Variants in RNF150 observed in about 807,000 individuals in gnomAD.
The protein encoded by RNF150 is ring finger protein 150.
Under a neutral mutation model 39.3 loss-of-function variants are expected in RNF150, and 24 were observed. The observed-to-expected ratio is 0.61, with a 90% CI of 0.44 to 0.86. The LOEUF (loss-of-function observed/expected upper bound fraction) is 0.86, where lower values mean the gene tolerates loss of function less well. RNF150 is among the 40% of genes least tolerant of loss of function. The pLI is 0.00. For synonymous variants in RNF150, 255 were observed against 227.3 expected (o/e 1.12, Z -1.10); for missense variants, 502 against 587.8 (o/e 0.85, Z 1.51).
intron 4 of RNF150, among the ~76,000 whole-genome samples, chr4:140,945,714 A>AAAGT (rs1393375527): frequency 6.6e-6 from 1 of 151,198 alleles, no homozygotes; most frequent in Non-Finnish European, 1.5e-5. Flanking sequence ...TTGTAGAGCT[A>AAAGT]AAGTAATGCT....
At chr4:140,943,730 C>T (rs1732178210) in intron 4 of RNF150, among the ~76,000 whole-genome samples, 1 of 152,148 alleles carries the variant, frequency 6.6e-6, no homozygotes, top group Admixed American at 6.5e-5. Flanking sequence ...CACACAGTTG[C>T]TACAAAATGT....
At chr4:141,105,927 GCCTC>G (rs1739181470) in intron 1 of RNF150, among the ~76,000 whole-genome samples, 1 of 152,010 alleles carries the variant, frequency 6.6e-6, no homozygotes, top group South Asian at 2.1e-4. Context: ...AACCTTTAAT[GCCTC>G]CCTATTACCC....
At chr4:141,204,054 T>C (rs537169005) in intron 1 of RNF150, among the ~76,000 whole-genome samples, 1 of 152,196 alleles carries the variant, frequency 6.6e-6, no homozygotes, top group African/African-American at 2.4e-5. Flanking sequence ...GGATAAAGAC[T>C]GGGGTGTTGG....
At chr4:141,137,810 T>C (rs1174750562), upstream of RNF150, among the ~76,000 whole-genome samples, 1 of 152,152 alleles carries the variant, frequency 6.6e-6, no homozygotes, top group Non-Finnish European at 1.5e-5. Context: ...CTCCCTAAAA[T>C]AGTTTTTAAA....
chr4:141,072,744 T>C (rs980874101), intron 1 of RNF150, among the ~76,000 whole-genome samples: 9 of 152,300 alleles, frequency 5.9e-5, no homozygotes, highest in Non-Finnish European at 1.2e-4. Context: ...TAATTTCAGT[T>C]CTCAGTCTTA....
At chr4:140,980,434 T>C (rs552516398) in intron 1 of RNF150, among the ~76,000 whole-genome samples, 26 of 152,138 alleles carry the variant, frequency 1.7e-4, no homozygotes, top group Non-Finnish European at 3.4e-4. Context: ...AACTTCTAGA[T>C]ATTTATGATA....
At chr4:141,088,288 C>T (rs890923852) in intron 1 of RNF150, among the ~76,000 whole-genome samples, 2 of 152,120 alleles carry the variant, frequency 1.3e-5, no homozygotes, top group African/African-American at 4.8e-5. Flanking sequence ...GCGATCCAGT[C>T]TCCTGATTTC....
At chr4:140,985,230 C>G (rs943754807) in intron 1 of RNF150, among the ~76,000 whole-genome samples, 3 of 152,096 alleles carry the variant, frequency 2.0e-5, no homozygotes, top group African/African-American at 7.2e-5. Context: ...AATTTTGCCC[C>G]TCCCATTTTT....
intron 3 of RNF150, among the ~76,000 whole-genome samples, chr4:140,948,513 C>G (rs1022075924): frequency 6.6e-6 from 1 of 152,166 alleles, no homozygotes; most frequent in African/African-American, 2.4e-5. Context: ...TTTGTTTTCC[C>G]TCCTCAAGAC....
intron 1 of RNF150, among the ~76,000 whole-genome samples, chr4:141,015,201 G>A (rs369748855): frequency 6.6e-6 from 1 of 152,040 alleles, no homozygotes; most frequent in African/African-American, 2.4e-5. Flanking sequence ...TGCTAGTATC[G>A]TGCAGTTTGA....
chr4:141,016,532 C>T (rs1457032552), intron 1 of RNF150, among the ~76,000 whole-genome samples: 1 of 152,252 alleles, frequency 6.6e-6, no homozygotes, highest in African/African-American at 2.4e-5. Flanking sequence ...CGGGAGCAGT[C>T]ACAGAGATGT....
chr4:141,196,712 C>A (rs999068595), intron 1 of RNF150, among the ~76,000 whole-genome samples: 2 of 152,196 alleles, frequency 1.3e-5, no homozygotes, highest in African/African-American at 4.8e-5. Flanking sequence ...TGGTGAATTG[C>A]AGTTGTAGTT....
At chr4:141,130,278 T>C (rs1251326931) in intron 1 of RNF150, among the ~76,000 whole-genome samples, 12 of 152,236 alleles carry the variant, frequency 7.9e-5, no homozygotes, top group Admixed American at 7.9e-4. Context: ...AAATCAATGC[T>C]AGCCTCTGAC....
chr4:140,962,278 T>C (rs1733069460), intron 2 of RNF150, among the ~76,000 whole-genome samples: 1 of 151,862 alleles, frequency 6.6e-6, no homozygotes, highest in African/African-American at 2.4e-5. Flanking sequence ...TATTTAAATT[T>C]AAGTTAATTT....
intron 1 of RNF150, among the ~76,000 whole-genome samples, chr4:141,050,589 T>A (rs1018651732): frequency 1.3e-5 from 2 of 152,166 alleles, no homozygotes; most frequent in African/African-American, 4.8e-5. Flanking sequence ...ACAGACCCCA[T>A]GCAAGTCTGA....
chr4:141,200,927 C>G (rs1046490864), intron 1 of RNF150, among the ~76,000 whole-genome samples: 1 of 152,044 alleles, frequency 6.6e-6, no homozygotes, highest in Non-Finnish European at 1.5e-5. Context: ...CCCAATAAAT[C>G]AGATCTATTT....
chr4:140,878,066 A>G (rs1042071973), intron 6 of RNF150, among the ~76,000 whole-genome samples: 10 of 151,818 alleles, frequency 6.6e-5, no homozygotes, highest in African/African-American at 2.2e-4. Flanking sequence ...GATTCTCTAT[A>G]TCCCCATCAA....
intron 1 of RNF150, among the ~76,000 whole-genome samples, chr4:141,150,277 T>A (rs1333235108): frequency 6.6e-6 from 1 of 152,202 alleles, no homozygotes; most frequent in African/African-American, 2.4e-5. Flanking sequence ...AGCCACTTCT[T>A]CCATTCAGTT....
At chr4:141,031,314 C>T (rs1347160014) in intron 1 of RNF150, among the ~76,000 whole-genome samples, 2 of 151,888 alleles carry the variant, frequency 1.3e-5, no homozygotes, top group Admixed American at 1.3e-4. Context: ...TAGAAGAAAA[C>T]ATGGGGAAAA....
Sources: gnomAD v4.1 joint callset for allele counts (sites outside exome capture counted in the v4.1 genomes callset) on GRCh38, gnomAD v4.1.1 for gene constraint, MANE v1.5 for transcripts, NCBI Gene and HGNC (gene_info 2026-07-23, HGNC 2026-07-21) for gene names.